The following IQGAP1 variants were observed in gnomAD, a reference collection of about 807,000 sequenced individuals.
IQGAP1 encodes the protein IQ motif containing GTPase activating protein 1.
Under a neutral mutation model 215.6 loss-of-function variants are expected in IQGAP1, and 66 were observed. The ratio of observed to expected loss-of-function variants is 0.31; its 90% CI spans 0.25 to 0.38. IQGAP1 has a LOEUF of 0.38. Ranked by LOEUF, IQGAP1 falls within the 10% of genes least tolerant of loss-of-function variation. The pLI, the probability that IQGAP1 is intolerant of heterozygous loss-of-function variation, is 1.00. For missense variants in IQGAP1, 1,712 were observed against 1,997.1 expected (o/e 0.86, Z 2.72); for synonymous variants, 772 against 728.7 (o/e 1.06, Z -0.96).
At chr15:90,394,863 A>C (rs963635146) in intron 2 of IQGAP1, among the ~76,000 whole-genome samples, 1 of 152,142 alleles carries the variant, frequency 6.6e-6, no homozygotes, top group African/African-American at 2.4e-5. Flanking sequence ...AGGGCACTCC[A>C]TTTTCTCCTC....
At chr15:90,454,389 C>T (rs1965649447) in intron 13 of IQGAP1, 39 bp from the exon 14 acceptor site, 2 of 1,611,038 alleles carry the variant, frequency 1.2e-6, no homozygotes, top group African/African-American at 1.3e-5. Flanking sequence ...TTTAAACATG[C>T]TGTGCTTAAT....
At chr15:90,450,815 G>GTTTTTTTTTTTTTT (rs74753086) in intron 11 of IQGAP1, among the ~76,000 whole-genome samples, 1 of 127,102 alleles carries the variant, frequency 7.9e-6, no homozygotes. Context: ...GTTTTTTTTT[G>GTTTTTTTTTTTTTT]TTTTTTTTTT....
chr15:90,456,093 G>C, intron 14 of IQGAP1, 59 bp from the exon 15 acceptor site: 1 of 1,437,206 alleles, frequency 7.0e-7, no homozygotes, highest in South Asian at 1.2e-5. Context: ...TTCCATGATT[G>C]ATTTGTTTAT....
intron 15 of IQGAP1, among the ~76,000 whole-genome samples, chr15:90,456,652 G>A (rs1424028349): frequency 6.6e-6 from 1 of 150,976 alleles, no homozygotes; most frequent in Non-Finnish European, 1.5e-5. Context: ...AAGGCAGGCA[G>A]ATCCCTTGAG....
rs1965922655 is a variant in IQGAP1, at chr15:90,472,712, T to C, written c.2179-128T>C. 3.7e-6 allele frequency: 3 copies of C among 800,672 alleles called. No homozygotes were observed. The East Asian group carries it at 8.1e-5, about 21-fold the overall frequency. 49.6% of individuals were successfully genotyped at this position (800,672 alleles called of 1,614,324 possible). On this transcript the variant is annotated intron_variant, in intron 18 of 37. Coordinates refer to ENST00000268182, the MANE Select transcript of IQGAP1 (RefSeq NM_003870.4). ...ACCTGAGGGCTTTATTCCTGTTATG[T>C]AGCTAATGATCTAGTATAGACTTAG...
intron 5 of IQGAP1, 60 bp downstream of exon 5, chr15:90,433,855 A>G: frequency 1.0e-6 from 1 of 995,840 alleles, no homozygotes; most frequent in Non-Finnish European, 1.5e-6. Flanking sequence ...TTGAGTGTGT[A>G]GTTTTTTATC....
At chr15:90,390,279 C>G (rs1251803511) in intron 1 of IQGAP1, among the ~76,000 whole-genome samples, 1 of 152,202 alleles carries the variant, frequency 6.6e-6, no homozygotes. Context: ...ACTTATTTGC[C>G]ATGGGGCTGA....
rs1405852167 is a variant in IQGAP1 at position 90,449,073 on chromosome 15, T to TA, written c.1077+346dup. ...ATTCTTACGTCAGGAATTTGCACTT[T>TA]AAAAAAAAACTGCACCTTATTAGTT... On this transcript the variant is annotated intron_variant, in intron 10 of 37. Coordinates refer to ENST00000268182, the MANE Select transcript of IQGAP1 (RefSeq NM_003870.4). Among the ~76,000 whole-genome samples the TA allele has an allele frequency of 7.3e-5, 11 of 151,204 alleles. No individual in the cohort carries two copies. The South Asian group carries it at 1.3e-3, about 17-fold the overall frequency.
intron 18 of IQGAP1, among the ~76,000 whole-genome samples, chr15:90,472,522 G>C (rs570550834): frequency 1.2e-4 from 18 of 152,122 alleles, no homozygotes; most frequent in Middle Eastern, 3.2e-3. Context: ...CTCTGTTCTT[G>C]TCTACAGTGA....
intron 26 of IQGAP1, 88 bp from the exon 27 acceptor site, chr15:90,481,872 C>A (rs1286295881): frequency 1.4e-6 from 2 of 1,392,916 alleles, no homozygotes; most frequent in African/African-American, 2.9e-5. Flanking sequence ...ATTTCTGGGT[C>A]TTATAGTTTA....
chr15:90,475,432 C>T (rs1427674751), intron 23 of IQGAP1, among the ~76,000 whole-genome samples: 9 of 152,108 alleles, frequency 5.9e-5, no homozygotes, highest in Admixed American at 2.0e-4. Context: ...CCACCATGCC[C>T]GGCCATCATA....
At chr15:90,465,915 T>G (rs2074581) in intron 15 of IQGAP1, 86 bp from the exon 16 acceptor site, 180,540 of 983,830 alleles carry the variant, frequency 0.18, 17,461 homozygotes, top group South Asian at 0.24. Context: ...CATATTTAAT[T>G]GAGTCTAGGA....
chr15:90,486,908 T>G (rs781418918), intron 31 of IQGAP1, 46 bp from the exon 32 acceptor site: 29 of 1,577,198 alleles, frequency 1.8e-5, no homozygotes, highest in Non-Finnish European at 2.3e-5. Context: ...CCCCAATATC[T>G]CCTCTCTTTA....
intron 2 of IQGAP1, among the ~76,000 whole-genome samples, chr15:90,409,235 C>CT (rs138296381): frequency 0.015 from 1,826 of 118,430 alleles, 41 homozygotes; most frequent in Non-Finnish European, 0.02. Flanking sequence ...CCTATATTCA[C>CT]TTTTTTTTTT....
At chr15:90,459,452 A>G (rs1447329013) in intron 15 of IQGAP1, among the ~76,000 whole-genome samples, 1 of 152,236 alleles carries the variant, frequency 6.6e-6, no homozygotes, top group Non-Finnish European at 1.5e-5. Context: ...CAAGTCAGGA[A>G]TAGATAAAGT....
chr15:90,453,384 A>G (rs1160388199), intron 13 of IQGAP1, 92 bp downstream of exon 13: 4 of 956,450 alleles, frequency 4.2e-6, no homozygotes, highest in Admixed American at 2.6e-5. Flanking sequence ...TGCAGGCATT[A>G]TTACTTTATC....
chr15:90,474,545 G>A lies in IQGAP1; in HGVS notation c.2636G>A (p.Ser879Asn), dbSNP rs1336793517. Residue 879 changes from serine to asparagine, a missense_variant, in exon 23 of 38, where the codon AGT (serine) becomes AAT (asparagine). Transcript: ENST00000268182. ...VRKFVHLLDQ[S>N]DQDFQEELDL... ...AAATTTGTCCACCTGCTGGACCAAA[G>A]TGACCAGGATTTTCAGGAGGAGCTT... 2 of 1,614,200 alleles carry A rather than the reference G, an allele frequency of 1.2e-6. No individual in the cohort carries two copies. Among genetic ancestry groups the A allele is most frequent in the Non-Finnish European group, 1.7e-6 (2 of 1,180,040 alleles).
chr15:90,481,186 G>C (rs1199372250), intron 26 of IQGAP1, among the ~76,000 whole-genome samples: 1 of 151,238 alleles, frequency 6.6e-6, no homozygotes, highest in East Asian at 1.9e-4. Context: ...CCCTCAACTT[G>C]TGGCTGTGTG....
At chr15:90,487,911 A>G (rs1366744792) in intron 33 of IQGAP1, among the ~76,000 whole-genome samples, 2 of 152,100 alleles carry the variant, frequency 1.3e-5, no homozygotes, top group Non-Finnish European at 2.9e-5. Context: ...ATAGATGTTG[A>G]AGTCCCTTAT....
Sources: allele counts gnomAD v4.1 joint callset (sites outside exome capture counted in the v4.1 genomes callset), GRCh38; gene constraint gnomAD v4.1.1; transcripts MANE v1.5; gene names NCBI Gene and HGNC (gene_info 2026-07-23, HGNC 2026-07-21).